The following EBF2 variants were observed in gnomAD, a reference collection of about 807,000 sequenced individuals.
EBF2 encodes transcription factor COE2.
Under a neutral mutation model 72.8 loss-of-function variants are expected in EBF2, and 21 were observed. The ratio of observed to expected loss-of-function variants is 0.29; its 90% CI spans 0.20 to 0.42. The LOEUF (loss-of-function observed/expected upper bound fraction) is 0.42. EBF2 is among the 10% of genes least tolerant of loss of function. The probability of loss-of-function intolerance (pLI) is 1.00; values close to 1 mark genes in which losing one functional copy is unlikely to be tolerated. For synonymous variants in EBF2, 299 were observed against 274.2 expected (o/e 1.09, Z -0.89); for missense variants, 637 against 731.2 (o/e 0.87, Z 1.49).
At chr8:26,009,179 T>C (rs1436581632) in intron 6 of EBF2, among the ~76,000 whole-genome samples, 1 of 151,814 alleles carries the variant, frequency 6.6e-6, no homozygotes, top group East Asian at 1.9e-4. Context: ...GGAAAAAAGT[T>C]ATTTTGCTCT....
chr8:26,029,256 C>T (rs1191392879), intron 6 of EBF2, among the ~76,000 whole-genome samples: 1 of 152,142 alleles, frequency 6.6e-6, no homozygotes, highest in South Asian at 2.1e-4. Context: ...CACCAGAAAG[C>T]CAAGTTGTTT....
intron 10 of EBF2, among the ~76,000 whole-genome samples, chr8:25,876,031 C>A (rs1802514123): frequency 6.6e-6 from 1 of 152,202 alleles, no homozygotes; most frequent in Admixed American, 6.5e-5. Context: ...CAATGATAGA[C>A]TGGATAATAA....
intron 10 of EBF2, among the ~76,000 whole-genome samples, chr8:25,874,673 CT>C (rs1802491452): frequency 6.6e-6 from 1 of 151,632 alleles, no homozygotes; most frequent in Admixed American, 6.6e-5. Context: ...CTTCTGGGTT[CT>C]TTTAAAAAAT....
chr8:25,984,087 G>A (rs930195789), intron 6 of EBF2, among the ~76,000 whole-genome samples: 2 of 152,198 alleles, frequency 1.3e-5, no homozygotes, highest in Non-Finnish European at 2.9e-5. Flanking sequence ...ACCAAAAGGT[G>A]TGTACCTTTG....
intron 1 of EBF2, 77 bp from the exon 2 acceptor site, chr8:26,042,328 C>T: frequency 6.6e-7 from 1 of 1,514,906 alleles, no homozygotes; most frequent in South Asian, 1.3e-5. Context: ...GCCCACAACA[C>T]TGCAGAGGGG....
intron 7 of EBF2, among the ~76,000 whole-genome samples, chr8:25,907,982 C>T (rs1402405139): frequency 1.3e-5 from 2 of 152,152 alleles, no homozygotes; most frequent in African/African-American, 2.4e-5. Flanking sequence ...GCTGGGTCAC[C>T]GTCCCGTGGG....
intron 6 of EBF2, among the ~76,000 whole-genome samples, chr8:25,911,897 G>A (rs906582217): frequency 3.3e-5 from 5 of 152,162 alleles, no homozygotes; most frequent in South Asian, 2.1e-4. Context: ...GGGTGACGCC[G>A]TGCCCAGAGT....
At chr8:25,887,250 C>T (rs1802705455) in intron 9 of EBF2, among the ~76,000 whole-genome samples, 1 of 152,030 alleles carries the variant, frequency 6.6e-6, no homozygotes, top group Non-Finnish European at 1.5e-5. Flanking sequence ...TGCTGCCAAC[C>T]CCACCCTCAC....
chr8:25,988,840 T>C (rs1804501108), intron 6 of EBF2, among the ~76,000 whole-genome samples: 1 of 152,128 alleles, frequency 6.6e-6, no homozygotes, highest in Non-Finnish European at 1.5e-5. Context: ...AACTAAATAG[T>C]GGAAAAGCAA....
At chr8:25,950,285 C>T (rs1373750059) in intron 6 of EBF2, among the ~76,000 whole-genome samples, 2 of 152,216 alleles carry the variant, frequency 1.3e-5, no homozygotes, top group Admixed American at 1.3e-4. Flanking sequence ...AACAAGATGG[C>T]TACCATTACT....
chr8:26,038,303 G>T (rs953348577), intron 5 of EBF2, among the ~76,000 whole-genome samples: 2 of 152,188 alleles, frequency 1.3e-5, no homozygotes, highest in East Asian at 3.9e-4. Context: ...GGTCTCCAAT[G>T]CAGAGAAGTT....
Position 25,848,035 on chromosome 8 carries a change from AAAAC to A in EBF2, c.1696+2555_1696+2558del, listed in dbSNP as rs202002873. On this transcript the variant is annotated intron_variant, in intron 15 of 15. Coordinates refer to ENST00000520164, the MANE Select transcript of EBF2 (RefSeq NM_022659.4). Reference sequence around the variant, plus strand: ...AATTAATGAAATTTTCTTTTAAAAAAAAACCTATAAAAACTTTTATCTTTTAGAG... The same window carrying A: ...AATTAATGAAATTTTCTTTTAAAAAACTATAAAAACTTTTATCTTTTAGAG... 1.0e-2 allele frequency among the ~76,000 whole-genome samples: 1,521 copies of A among 152,266 alleles called. 28 individuals carry two copies. Among genetic ancestry groups the A allele is most frequent in the African/African-American group, 0.032 (1,338 of 41,512 alleles).
chr8:25,955,394 G>C (rs945279933), intron 6 of EBF2, among the ~76,000 whole-genome samples: 1 of 152,326 alleles, frequency 6.6e-6, no homozygotes, highest in Middle Eastern at 3.4e-3. Flanking sequence ...AGAGGAGAGG[G>C]AGAAGCTCCA....
intron 10 of EBF2, among the ~76,000 whole-genome samples, chr8:25,886,348 T>C (rs912680088): frequency 2.6e-5 from 4 of 152,250 alleles, no homozygotes; most frequent in African/African-American, 9.6e-5. Flanking sequence ...ATATGATGTT[T>C]ACCTTCTTGA....
At chr8:26,010,794 G>C (rs1479791897) in intron 6 of EBF2, among the ~76,000 whole-genome samples, 1 of 152,172 alleles carries the variant, frequency 6.6e-6, no homozygotes, top group African/African-American at 2.4e-5. Context: ...CCTGATGCCT[G>C]CAGATACATC....
At chr8:25,936,416 C>T (rs1803580236) in intron 6 of EBF2, among the ~76,000 whole-genome samples, 1 of 152,146 alleles carries the variant, frequency 6.6e-6, no homozygotes, top group African/African-American at 2.4e-5. Context: ...CCCTTAGTGA[C>T]TGCTAAATTA....
chr8:25,884,740 A>T (rs1802662517), intron 10 of EBF2, among the ~76,000 whole-genome samples: 1 of 152,148 alleles, frequency 6.6e-6, no homozygotes. Context: ...TTTTATTGTG[A>T]CTGCAATAGA....
intron 6 of EBF2, among the ~76,000 whole-genome samples, chr8:25,976,794 GGACTCTTAA>G (rs558799002): frequency 6.8e-4 from 104 of 152,254 alleles, no homozygotes; most frequent in African/African-American, 2.3e-3. Flanking sequence ...CGGTAAACAT[GGACTCTTAA>G]GCCTCTAAAT....
intron 7 of EBF2, among the ~76,000 whole-genome samples, chr8:25,893,096 G>A (rs1318601505): frequency 6.6e-6 from 1 of 152,104 alleles, no homozygotes; most frequent in Non-Finnish European, 1.5e-5. Context: ...AGGTTAAGAT[G>A]AACATGAAGA....
Sources: allele counts gnomAD v4.1 joint callset (sites outside exome capture counted in the v4.1 genomes callset), GRCh38; gene constraint gnomAD v4.1.1; transcripts MANE v1.5; gene names NCBI Gene and HGNC (gene_info 2026-07-23, HGNC 2026-07-21).